Variants in GREM2 observed in about 807,000 individuals in gnomAD.
GREM2 encodes gremlin-2.
In GREM2, 11 loss-of-function variants were observed where a neutral mutation model predicts 14.2. The ratio of observed to expected loss-of-function variants is 0.78; its 90% CI spans 0.49 to 1.28. The LOEUF is 1.28. Ranked by LOEUF, GREM2 falls within the 50% of genes most tolerant of loss-of-function variation. The pLI is 0.00. For synonymous variants in GREM2, 98 were observed against 97.6 expected (o/e 1.00, Z -0.02); for missense variants, 210 against 218.5 (o/e 0.96, Z 0.24).
chr1:240,496,084 G>A (rs1202038380), intron 1 of GREM2, among the ~76,000 whole-genome samples: 7 of 151,856 alleles, frequency 4.6e-5, no homozygotes, highest in East Asian at 1.9e-4. Context: ...TTACAGGCGC[G>A]CGCCACCAGG....
intron 1 of GREM2, among the ~76,000 whole-genome samples, chr1:240,564,269 G>C (rs946509473): frequency 2.0e-5 from 3 of 151,606 alleles, no homozygotes; most frequent in Non-Finnish European, 4.4e-5. Flanking sequence ...ATTTTGGGAC[G>C]CTGAGGCAGG....
rs1264436262 is a variant in GREM2 at position 240,492,721 on chromosome 1, G to A, written c.*248C>T. 6 of 310,872 alleles carry A rather than the reference G, an allele frequency of 1.9e-5. No individual in the cohort carries two copies. Among genetic ancestry groups the A allele is most frequent in the Non-Finnish European group, 2.9e-5 (5 of 172,122 alleles). The allele number at this position is 310,872 out of a possible 1,614,324, so 19.3% of individuals were successfully genotyped here. On this transcript the variant is annotated 3_prime_UTR_variant, in exon 2 of 2. Coordinates refer to ENST00000318160, the MANE Select transcript of GREM2 (RefSeq NM_022469.4). The stretch of plus-strand genomic sequence containing the variant: ...TGGTGGTTTTCCAGCATTTTCCTTC[G>A]GGCCTGATCCACCGCCTGGTTTAGG...
intron 1 of GREM2, among the ~76,000 whole-genome samples, chr1:240,503,484 A>C (rs2103280245): frequency 6.6e-6 from 1 of 152,248 alleles, no homozygotes; most frequent in East Asian, 1.9e-4. Flanking sequence ...TTATTCCTTC[A>C]CATTAAACCC....
At chr1:240,502,441 AG>A (rs1677590831) in intron 1 of GREM2, among the ~76,000 whole-genome samples, 1 of 152,066 alleles carries the variant, frequency 6.6e-6, no homozygotes, top group African/African-American at 2.4e-5. Context: ...CTCCTCTTAA[AG>A]GTTGGTGTTC....
At chr1:240,558,112 G>A (rs1461909978) in intron 1 of GREM2, among the ~76,000 whole-genome samples, 5 of 152,088 alleles carry the variant, frequency 3.3e-5, no homozygotes, top group African/African-American at 1.2e-4. Context: ...GACAAGGAGA[G>A]GGCTGGTTTA....
At chr1:240,562,889 AGTGTGTAT>A (rs1366574081) in intron 1 of GREM2, among the ~76,000 whole-genome samples, 33 of 136,778 alleles carry the variant, frequency 2.4e-4, no homozygotes, top group Admixed American at 8.7e-4. Flanking sequence ...TGTGTGTATG[AGTGTGTAT>A]GTGTGTATGT....
intron 1 of GREM2, among the ~76,000 whole-genome samples, chr1:240,563,200 TGTAA>T (rs566932672): frequency 6.4e-4 from 96 of 150,852 alleles, no homozygotes; most frequent in East Asian, 1.7e-3. Context: ...TGTGAGTGTG[TGTAA>T]GTGAGTGTGT....
chr1:240,563,922 T>C (rs150575554), intron 1 of GREM2, among the ~76,000 whole-genome samples: 145 of 152,310 alleles, frequency 9.5e-4, no homozygotes, highest in African/African-American at 3.3e-3. Context: ...TAAAGTTACT[T>C]GTTTAGACCT....
At position 240,599,938 on chromosome 1, in the gene GREM2, A is replaced by G. The variant is rs548206033; in HGVS notation, c.-2+11946T>C. 5.0e-4 allele frequency among the ~76,000 whole-genome samples: 76 copies of G among 152,358 alleles called. 1 individual carries two copies. Among genetic ancestry groups the G allele is most frequent in the African/African-American group, 1.6e-3 (67 of 41,588 alleles). On this transcript the variant is annotated intron_variant, in intron 1 of 1. Coordinates refer to ENST00000318160, the MANE Select transcript of GREM2 (RefSeq NM_022469.4). Reference sequence around the variant, plus strand: ...CAACAACAAACTTTGTTGCATTTATATGAAATCCTTCTATTGCCCCCAAAG... The same window carrying G: ...CAACAACAAACTTTGTTGCATTTATGTGAAATCCTTCTATTGCCCCCAAAG...
intron 1 of GREM2, among the ~76,000 whole-genome samples, chr1:240,508,732 C>G (rs1221326848): frequency 6.6e-6 from 1 of 152,118 alleles, no homozygotes. Context: ...ATTCAATAAA[C>G]GACTTTCTTT....
At chr1:240,546,659 T>C (rs1405714296) in intron 1 of GREM2, among the ~76,000 whole-genome samples, 1 of 152,192 alleles carries the variant, frequency 6.6e-6, no homozygotes, top group East Asian at 1.9e-4. Context: ...TATCTGTATT[T>C]TAAAGATGTA....
intron 1 of GREM2, chr1:240,530,515 T>C (rs899396439): frequency 2.6e-5 from 4 of 152,182 alleles, no homozygotes; most frequent in Non-Finnish European, 4.4e-5. Flanking sequence ...AGTGTAAGGA[T>C]CAAAAGGATC....
At chr1:240,495,929 T>TTTTTTGTTTTTG (rs71170752) in intron 1 of GREM2, among the ~76,000 whole-genome samples, 26 of 148,656 alleles carry the variant, frequency 1.7e-4, no homozygotes, top group Admixed American at 1.5e-3. Context: ...GGCAAAGGTT[T>TTTTTTGTTTTTG]TTTTTGTTTT....
rs1225306418 is a variant in GREM2, at chr1:240,611,937, C to G, written c.-55G>C. On this transcript the variant is annotated 5_prime_UTR_variant, in exon 1 of 2. Coordinates refer to ENST00000318160, the MANE Select transcript of GREM2 (RefSeq NM_022469.4). ...TCGGGTCCCTTCTCTCTCTCTCTCT[C>G]CCTCTCCCTCTGCCTTCTCTGAGTT... 1 of 152,896 alleles carries G rather than the reference C, an allele frequency of 6.5e-6. No homozygotes were observed. The highest frequency in any genetic ancestry group is 1.9e-4 in the East Asian group (1 of 5,196). The allele number at this position is 152,896 out of a possible 1,614,324, so 9.5% of individuals were successfully genotyped here. A position where few individuals can be genotyped will look rare whatever the true frequency, so the allele number is the denominator to read the frequency against.
chr1:240,572,582 G>A (rs1679281109), intron 1 of GREM2, among the ~76,000 whole-genome samples: 1 of 152,162 alleles, frequency 6.6e-6, no homozygotes, highest in Non-Finnish European at 1.5e-5. Context: ...TGCTGGACTT[G>A]AAGCTAATGA....
intron 1 of GREM2, among the ~76,000 whole-genome samples, chr1:240,524,927 T>C (rs1678189325): frequency 1.3e-5 from 2 of 152,128 alleles, no homozygotes; most frequent in East Asian, 1.9e-4. Context: ...CCCAGGGGCT[T>C]TGGGGTCAGG....
intron 1 of GREM2, among the ~76,000 whole-genome samples, chr1:240,586,863 A>G (rs78439971): frequency 0.017 from 2,599 of 152,326 alleles, 22 homozygotes; most frequent in Non-Finnish European, 0.028. Context: ...CAGGGGTTCT[A>G]GTCAGTTCTA....
intron 1 of GREM2, among the ~76,000 whole-genome samples, chr1:240,497,009 G>A (rs1677436439): frequency 6.6e-6 from 1 of 151,196 alleles, no homozygotes; most frequent in Non-Finnish European, 1.5e-5. Flanking sequence ...CAACAAGAGT[G>A]AAACTCCATC....
chr1:240,493,079 C>A lies in GREM2; in HGVS notation c.397G>T (p.Val133Leu). Residue 133 changes from valine (V) to leucine (L), a missense_variant, in exon 2 of 2, where the codon GTG becomes TTG. Val to Leu is a conservative substitution (Grantham distance 32). Transcript: ENST00000318160. ...TCCAGGCCGGGGCACTCGAGCTCCACGAGGACGGAGGTGACGCGCTGGGGC... is the reference window on the plus strand; with the variant it reads ...TCCAGGCCGGGGCACTCGAGCTCCAAGAGGACGGAGGTGACGCGCTGGGGC... Reference protein sequence around the residue: ...CKPQRVTSVLVELECPGLDPP... With the variant: ...CKPQRVTSVLLELECPGLDPP... 2.5e-6 allele frequency: 4 copies of A among 1,613,392 alleles called. No homozygotes were observed. The highest frequency in any genetic ancestry group is 2.5e-6 in the Non-Finnish European group (3 of 1,179,416).
Sources: gnomAD v4.1 joint callset for allele counts (sites outside exome capture counted in the v4.1 genomes callset) on GRCh38, gnomAD v4.1.1 for gene constraint, MANE v1.5 for transcripts, NCBI Gene and HGNC (gene_info 2026-07-23, HGNC 2026-07-21) for gene names.